PHACTR2: variants seen among roughly 807,000 people sequenced by gnomAD.
The protein encoded by PHACTR2 is chromosome 6 open reading frame 56.
PHACTR2 carries 30 observed loss-of-function variants against 76.0 expected under a neutral mutation model. That is an observed-to-expected ratio of 0.39 (90% confidence interval 0.30 to 0.54). PHACTR2 has a LOEUF of 0.54. Among genes scored for constraint, PHACTR2 ranks in the 20% least tolerant of loss-of-function variants. PHACTR2 has a pLI of 0.61. For missense variants in PHACTR2, 696 were observed against 781.1 expected (o/e 0.89, Z 1.30); for synonymous variants, 292 against 292.5 (o/e 1.00, Z 0.02).
At position 143,735,115 on chromosome 6, in the gene PHACTR2, G is replaced by T. The variant is rs572811249; in HGVS notation, c.215-13870G>T. On this transcript the variant is annotated intron_variant, in intron 2 of 12. Coordinates refer to ENST00000440869, the MANE Select transcript of PHACTR2 (RefSeq NM_001100164.2). ...TTTACTTCTTTTGTGTTAGGTGTTT[G>T]CTCACCTAGGCTTATAACACTTTTT... Among the ~76,000 whole-genome samples, 13 of 152,212 alleles carry T rather than the reference G, an allele frequency of 8.5e-5. No homozygotes were observed. The East Asian group carries it at 2.1e-3, about 25-fold the overall frequency.
In PHACTR2 at chr6:143,591,517, A is replaced by T. The variant is rs1024262192; in HGVS notation, c.217+54310A>T. Among the ~76,000 whole-genome samples the T allele has an allele frequency of 6.6e-6, 1 of 152,144 alleles. No individual in the cohort carries two copies. The highest frequency in any genetic ancestry group is 1.5e-5 in the Non-Finnish European group (1 of 68,032). ...GGTGGTCCTTTCCCAGCCAGGGGTT[A>T]TGTGTTTCCAAGAGCAGCATGAACA... On this transcript the variant is annotated intron_variant, in intron 1 of 11. Transcript: ENST00000367584. This position sits in a 1 kb window ranked among gnomAD's most constrained non-coding sequence, Gnocchi z 6.4.
chr6:143,804,766 T>C (rs929569829), intron 11 of PHACTR2, among the ~76,000 whole-genome samples: 28 of 152,346 alleles, frequency 1.8e-4, no homozygotes, highest in African/African-American at 5.8e-4. Flanking sequence ...CTTTATCTTA[T>C]TCATGGTTAA....
At position 143,596,056 on chromosome 6, in the gene PHACTR2, C is replaced by T. The variant is rs1038908775; in HGVS notation, c.217+58849C>T. Among the ~76,000 whole-genome samples, 16 of 152,050 alleles carry T rather than the reference C, an allele frequency of 1.1e-4. No individual in the cohort carries two copies. The highest frequency in any genetic ancestry group is 1.9e-4 in the East Asian group (1 of 5,204). On this transcript the variant is annotated intron_variant, in intron 1 of 11. Coordinates refer to the PHACTR2 transcript ENST00000367584. This position sits in a 1 kb window ranked among gnomAD's most constrained non-coding sequence, Gnocchi z 4.6. ...GAACACTTGAGAATGATTCAGTTGG[C>T]GGAGATTCTATAAATTTAGATAATT...
intron 2 of PHACTR2, among the ~76,000 whole-genome samples, chr6:143,745,560 A>G (rs1258080861): frequency 6.6e-6 from 1 of 152,246 alleles, no homozygotes; most frequent in Non-Finnish European, 1.5e-5. Flanking sequence ...CTCTGAGCCC[A>G]TGAAAAAGTG....
In PHACTR2 at chr6:143,782,425, G is replaced by A. The variant is rs996937051; in HGVS notation, c.1646-794G>A. On this transcript the variant is annotated intron_variant, in intron 9 of 12. Transcript: ENST00000440869. This position sits in a 1 kb window ranked among gnomAD's most constrained non-coding sequence, Gnocchi z 4.6. ...TGATCAAACAGATGATCAGCTAAAC[G>A]AAGCAACAGAGAGATGTTCCTCAAG... Among the ~76,000 whole-genome samples, 8 of 152,066 alleles carry A rather than the reference G, an allele frequency of 5.3e-5. No homozygotes were observed. Among genetic ancestry groups the A allele is most frequent in the South Asian group, 2.1e-4 (1 of 4,820 alleles).
intron 2 of PHACTR2, among the ~76,000 whole-genome samples, chr6:143,725,982 A>T (rs896511545): frequency 7.9e-5 from 12 of 152,212 alleles, no homozygotes; most frequent in Admixed American, 4.6e-4. Flanking sequence ...CATGGAATAG[A>T]TGTACCACAG....
chr6:143,760,486 C>T lies in PHACTR2; in HGVS notation c.540C>T (p.Pro180=). The T allele has an allele frequency of 6.2e-7, 1 of 1,613,862 alleles. No homozygotes were observed. Among genetic ancestry groups the T allele is most frequent in the East Asian group, 2.2e-5 (1 of 44,878 alleles). ...CTAAGCCTAGACCCAAACCTAAACC[C>T]AAAAAATCACCTGTGCCTCCGAAAG... The part of the protein sequence containing the change: ...APPKPRPKPK[P]KKSPVPPKGA... Residue 180 remains proline (P), a synonymous_variant, in exon 5 of 13, where the codon CCC becomes CCT. Coordinates refer to ENST00000440869, the MANE Select transcript of PHACTR2 (RefSeq NM_001100164.2). This position sits in a 1 kb window ranked among gnomAD's most constrained non-coding sequence, Gnocchi z 6.4.
chr6:143,745,782 G>A lies in PHACTR2; in HGVS notation c.215-3203G>A, dbSNP rs116369103. 2.8e-3 allele frequency among the ~76,000 whole-genome samples: 422 copies of A among 152,316 alleles called. 1 individual carries two copies. The highest frequency in any genetic ancestry group is 9.5e-3 in the African/African-American group (396 of 41,562). On this transcript the variant is annotated intron_variant, in intron 2 of 12. Transcript: ENST00000440869. ...ATTGTGTGTTAAATACGCTCTCAGCGAAAGACCAAACAAATAGCCAACGGC... is the reference window on the plus strand; with the variant it reads ...ATTGTGTGTTAAATACGCTCTCAGCAAAAGACCAAACAAATAGCCAACGGC...
chr6:143,656,808 C>G lies in PHACTR2; in HGVS notation c.13+48486C>G, dbSNP rs1029460108. Reference sequence around the variant, plus strand: ...TTTGCAATCCGCAAAAAGATGAACACAATAGACATGTTAATTCCCAAACTT... The same window carrying G: ...TTTGCAATCCGCAAAAAGATGAACAGAATAGACATGTTAATTCCCAAACTT... On this transcript the variant is annotated intron_variant, in intron 1 of 11. Coordinates refer to the PHACTR2 transcript ENST00000305766. The surrounding 1 kb of genome is among the most constrained non-coding windows in gnomAD (Gnocchi z 5.3). Among the ~76,000 whole-genome samples, 7 of 152,070 alleles carry G rather than the reference C, an allele frequency of 4.6e-5. No individual in the cohort carries two copies. The highest frequency in any genetic ancestry group is 1.4e-4 in the African/African-American group (6 of 41,414).
chr6:143,605,213 A>G (rs1053128873), upstream of PHACTR2, among the ~76,000 whole-genome samples: 1 of 152,140 alleles, frequency 6.6e-6, no homozygotes, highest in Non-Finnish European at 1.5e-5. This position sits in a 1 kb window ranked among gnomAD's most constrained non-coding sequence, Gnocchi z 5.0. Flanking sequence ...AGGTGCTCCA[A>G]ATTACCCCAG....
rs891245780 is a variant in PHACTR2 at position 143,710,417 on chromosome 6, G to A, written c.47-1599G>A. On this transcript the variant is annotated intron_variant, in intron 1 of 12. Transcript: ENST00000440869. The surrounding 1 kb of genome is among the most constrained non-coding windows in gnomAD (Gnocchi z 4.9). ...TAAGAAAAAGTTAAGTTTGGGCTGCGTGTGGTGGCTCACGCCTGTAATCCC... is the reference window on the plus strand; with the variant it reads ...TAAGAAAAAGTTAAGTTTGGGCTGCATGTGGTGGCTCACGCCTGTAATCCC... Among the ~76,000 whole-genome samples the A allele has an allele frequency of 1.1e-4, 16 of 152,310 alleles. No individual in the cohort carries two copies. Among genetic ancestry groups the A allele is most frequent in the East Asian group, 5.8e-4 (3 of 5,184 alleles).
rs1204999383 is a variant in PHACTR2, at chr6:143,537,762, C to T, written c.217+555C>T. On this transcript the variant is annotated intron_variant, in intron 1 of 11. Coordinates refer to the PHACTR2 transcript ENST00000367584. This position sits in a 1 kb window ranked among gnomAD's most constrained non-coding sequence, Gnocchi z 4.4. ...AACCCATGAGGTTAATGGGGGAGAGCAGGGGAGAGTTTGGCGGGCTGTTTG... is the reference window on the plus strand; with the variant it reads ...AACCCATGAGGTTAATGGGGGAGAGTAGGGGAGAGTTTGGCGGGCTGTTTG... 6.6e-6 allele frequency among the ~76,000 whole-genome samples: 1 copy of T among 152,270 alleles called. No homozygotes were observed. Among genetic ancestry groups the T allele is most frequent in the East Asian group, 1.9e-4 (1 of 5,174 alleles).
intron 2 of PHACTR2, among the ~76,000 whole-genome samples, chr6:143,714,072 C>T (rs557954520): frequency 6.6e-6 from 1 of 152,144 alleles, no homozygotes; most frequent in East Asian, 1.9e-4. Context: ...ATTACTTTTG[C>T]ACAAAACTAA....
intron 1 of PHACTR2, among the ~76,000 whole-genome samples, chr6:143,687,077 T>C (rs1298992925): frequency 6.6e-6 from 1 of 152,232 alleles, no homozygotes; most frequent in Admixed American, 6.5e-5. Flanking sequence ...GTCTGTTCGA[T>C]AATAATGTGA....
chr6:143,760,300 C>A lies in PHACTR2; in HGVS notation c.455-101C>A. The A allele has an allele frequency of 9.4e-7, 1 of 1,060,706 alleles. No homozygotes were observed. The highest frequency in any genetic ancestry group is 1.4e-6 in the Non-Finnish European group (1 of 730,612). 65.7% of individuals were successfully genotyped at this position (1,060,706 alleles called of 1,614,324 possible). A position where few individuals can be genotyped will look rare whatever the true frequency, so the allele number is the denominator to read the frequency against. On this transcript the variant is annotated intron_variant, in intron 4 of 12. Transcript: ENST00000440869. This position sits in a 1 kb window ranked among gnomAD's most constrained non-coding sequence, Gnocchi z 6.4. ...GAACTCCATGCTGATTCTCAAGTACCAAGCAGACACGCTTTGTGTCACTAT... is the reference window on the plus strand; with the variant it reads ...GAACTCCATGCTGATTCTCAAGTACAAAGCAGACACGCTTTGTGTCACTAT...
rs1781153374 is a variant in PHACTR2 at position 143,539,539 on chromosome 6, C to A, written c.217+2332C>A. 6.6e-6 allele frequency among the ~76,000 whole-genome samples: 1 copy of A among 152,166 alleles called. No homozygotes were observed. The highest frequency in any genetic ancestry group is 1.5e-5 in the Non-Finnish European group (1 of 68,044). ...ATCAGCAAGATGACTGTGCTGGGAT[C>A]TCTGAATTATCTCAGAGGCACAATA... On this transcript the variant is annotated intron_variant, in intron 1 of 11. Transcript: ENST00000367584. This position sits in a 1 kb window ranked among gnomAD's most constrained non-coding sequence, Gnocchi z 4.3.
intron 11 of PHACTR2, among the ~76,000 whole-genome samples, chr6:143,792,269 A>C (rs9484814): frequency 0.048 from 7,322 of 151,944 alleles, 632 homozygotes; most frequent in African/African-American, 0.17. Flanking sequence ...CCAGCTGTTT[A>C]GTACATTTAA....
chr6:143,815,852 A>G (rs962572132), intron 12 of PHACTR2, among the ~76,000 whole-genome samples: 1 of 151,060 alleles, frequency 6.6e-6, no homozygotes, highest in Non-Finnish European at 1.5e-5. Flanking sequence ...AGATTGCACC[A>G]CTGCACACTA....
At position 143,672,172 on chromosome 6, in the gene PHACTR2, T is replaced by C. The variant is rs1259953127; in HGVS notation, c.14-39844T>C. Among the ~76,000 whole-genome samples the C allele has an allele frequency of 1.3e-5, 2 of 152,282 alleles. No individual in the cohort carries two copies. The highest frequency in any genetic ancestry group is 4.1e-4 in the South Asian group (2 of 4,828). On this transcript the variant is annotated intron_variant, in intron 1 of 11. Coordinates refer to the PHACTR2 transcript ENST00000305766. The surrounding 1 kb of genome is among the most constrained non-coding windows in gnomAD (Gnocchi z 5.8). ...TGAGTGTGCTGTTGGTTGGACTACA[T>C]GTTTATTAAAACTTATTGAACTGTT...
Sources: gnomAD v4.1 joint callset for allele counts (sites outside exome capture counted in the v4.1 genomes callset) on GRCh38, gnomAD v4.1.1 for gene constraint, Gnocchi (gnomAD v3.1) non-coding constraint, MANE v1.5 for transcripts, NCBI Gene and HGNC (gene_info 2026-07-23, HGNC 2026-07-21) for gene names.